Variants in MAP6D1 observed in about 807,000 individuals in gnomAD.
MAP6D1 encodes the protein MAP6 domain-containing protein 1.
In MAP6D1, 13 loss-of-function variants were observed where a neutral mutation model predicts 17.4. That is an observed-to-expected ratio of 0.75 (90% CI 0.49 to 1.19). MAP6D1 has a LOEUF of 1.19. MAP6D1 is among the 50% of genes most tolerant of loss of function. MAP6D1 has a pLI of 0.00. For synonymous variants in MAP6D1, 141 were observed against 145.7 expected, an observed-to-expected ratio of 0.97 and a Z score of 0.23; for missense variants, 313 against 312.6, an observed-to-expected ratio of 1.00 and a Z score of -0.01.
In MAP6D1 at chr3:183,817,263, A is replaced by T; in HGVS notation, c.*93T>A. The T allele has an allele frequency of 7.7e-7, 1 of 1,298,256 alleles. No individual in the cohort carries two copies. The highest frequency in any genetic ancestry group is 1.1e-6 in the Non-Finnish European group (1 of 920,816). 80.4% of individuals were successfully genotyped at this position (1,298,256 alleles called of 1,614,324 possible). On this transcript the variant is annotated 3_prime_UTR_variant, in exon 3 of 3. Transcript: ENST00000318631. The stretch of plus-strand genomic sequence containing the variant: ...GGGCTGTGCCCTCCCGCAGGGGCCC[A>T]TGCCATGCTCTCGCCCAGCCCCGCG...
intron 2 of MAP6D1, among the ~76,000 whole-genome samples, 180 bp from the exon 3 acceptor site, chr3:183,817,616 G>A (rs1239773928): frequency 6.6e-6 from 1 of 152,156 alleles, no homozygotes; most frequent in Admixed American, 6.5e-5. Context: ...ATTAGCAGCT[G>A]AGTGGTACAC....
intron 1 of MAP6D1, among the ~76,000 whole-genome samples, chr3:183,823,817 TAC>T (rs1317737909): frequency 1.3e-5 from 2 of 151,822 alleles, no homozygotes; most frequent in African/African-American, 4.8e-5. Context: ...AGATAGGCAA[TAC>T]ATGGACATGT....
chr3:183,822,848 C>G (rs1301483185), intron 1 of MAP6D1, among the ~76,000 whole-genome samples: 1 of 152,230 alleles, frequency 6.6e-6, no homozygotes, highest in Non-Finnish European at 1.5e-5. Flanking sequence ...GTTCTAGGCA[C>G]CAGAGCAGGG....
At chr3:183,822,737 C>G (rs905844091) in intron 1 of MAP6D1, among the ~76,000 whole-genome samples, 1 of 152,188 alleles carries the variant, frequency 6.6e-6, no homozygotes, top group African/African-American at 2.4e-5. Context: ...AACACTGAGC[C>G]GCAGCGCTCA....
intron 1 of MAP6D1, 98 bp from the exon 2 acceptor site, chr3:183,818,209 AT>A: frequency 1.0e-6 from 1 of 982,000 alleles, no homozygotes; most frequent in Non-Finnish European, 1.6e-6. Flanking sequence ...GGCCCTGCCA[AT>A]TGCTGAAACC....
chr3:183,820,122 G>A (rs1727211561), intron 1 of MAP6D1: 1 of 152,332 alleles, frequency 6.6e-6, no homozygotes, highest in Non-Finnish European at 1.5e-5. Flanking sequence ...AGCCAGCAAG[G>A]CAGGTCCTGC....
Position 183,817,290 on chromosome 3 carries a change from C to T in MAP6D1, c.*66G>A. The stretch of plus-strand genomic sequence containing the variant: ...GCCATGCTCTCGCCCAGCCCCGCGG[C>T]AGTGGGTCCTGAGGCCGCTCCCCAG... On this transcript the variant is annotated 3_prime_UTR_variant, in exon 3 of 3. Transcript: ENST00000318631. 1 of 1,478,224 alleles carries T rather than the reference C, an allele frequency of 6.8e-7. No individual in the cohort carries two copies. Among genetic ancestry groups the T allele is most frequent in the Non-Finnish European group, 9.2e-7 (1 of 1,082,226 alleles). 91.6% of individuals were successfully genotyped at this position (1,478,224 alleles called of 1,614,324 possible).
intron 1 of MAP6D1, among the ~76,000 whole-genome samples, chr3:183,821,779 C>T (rs1727264842): frequency 6.6e-6 from 1 of 152,138 alleles, no homozygotes; most frequent in East Asian, 1.9e-4. Context: ...CTGCCCATCT[C>T]ATCCTCCCAA....
chr3:183,822,466 A>C (rs1026273482), intron 1 of MAP6D1, among the ~76,000 whole-genome samples: 4 of 152,226 alleles, frequency 2.6e-5, no homozygotes, highest in Admixed American at 6.5e-5. Context: ...AAAACCCCCC[A>C]AAAACCCAAC....
intron 1 of MAP6D1, among the ~76,000 whole-genome samples, chr3:183,823,591 ACT>A (rs923492991): frequency 6.6e-6 from 1 of 151,768 alleles, no homozygotes; most frequent in African/African-American, 2.4e-5. Flanking sequence ...ACAGAGCGAG[ACT>A]CTGTCTCAAA....
At chr3:183,822,278 CACACACACACACACAA>C (rs1340045007) in intron 1 of MAP6D1, among the ~76,000 whole-genome samples, 2 of 67,794 alleles carry the variant, frequency 3.0e-5, no homozygotes, top group East Asian at 5.8e-4. Flanking sequence ...CACACACACA[CACACACACACACACAA>C]AACCCCACAT....
rs1727119807 is a variant in MAP6D1 at position 183,816,772 on chromosome 3, G to C, written c.*584C>G. 1 of 153,462 alleles carries C rather than the reference G, an allele frequency of 6.5e-6. No homozygotes were observed. Among genetic ancestry groups the C allele is most frequent in the Non-Finnish European group, 1.5e-5 (1 of 68,926 alleles). The allele number at this position is 153,462 out of a possible 1,614,324, so 9.5% of individuals were successfully genotyped here. On this transcript the variant is annotated 3_prime_UTR_variant, in exon 3 of 3. Transcript: ENST00000318631. Reference sequence around the variant, plus strand: ...ACATGAGGCTCATCTTGGCCATAAGGAGGTCTGTGAAGTGGAAGCCCGTGA... The same window carrying C: ...ACATGAGGCTCATCTTGGCCATAAGCAGGTCTGTGAAGTGGAAGCCCGTGA...
intron 1 of MAP6D1, among the ~76,000 whole-genome samples, chr3:183,824,159 C>G (rs1374392184): frequency 6.6e-6 from 1 of 152,198 alleles, no homozygotes; most frequent in Admixed American, 6.5e-5. Flanking sequence ...ACCTATCTTA[C>G]GCTCCTGAGC....
chr3:183,818,422 G>A (rs1293521499), intron 1 of MAP6D1, among the ~76,000 whole-genome samples: 1 of 152,218 alleles, frequency 6.6e-6, no homozygotes, highest in African/African-American at 2.4e-5. Flanking sequence ...CGAGCGGCAG[G>A]GTCAGGGCAG....
At chr3:183,821,624 C>A (rs768824290) in intron 1 of MAP6D1, among the ~76,000 whole-genome samples, 1 of 145,466 alleles carries the variant, frequency 6.9e-6, no homozygotes, top group Non-Finnish European at 1.5e-5. Flanking sequence ...CGGCTCACTG[C>A]GTCCTCCACC....
At chr3:183,821,371 T>G (rs1356272994) in intron 1 of MAP6D1, among the ~76,000 whole-genome samples, 1 of 152,082 alleles carries the variant, frequency 6.6e-6, no homozygotes, top group Non-Finnish European at 1.5e-5. Context: ...GTCTGTAGAA[T>G]GGGGACGGCA....
rs992858326 is a variant in MAP6D1, at chr3:183,816,928, T to C, written c.*428A>G. 5.1e-6 allele frequency: 1 copy of C among 197,930 alleles called. No individual in the cohort carries two copies. Among genetic ancestry groups the C allele is most frequent in the African/African-American group, 2.4e-5 (1 of 41,974 alleles). 12.3% of individuals were successfully genotyped at this position (197,930 alleles called of 1,614,324 possible). Reference sequence around the variant, plus strand: ...TTGTAGGAAGAGCCAAGGGTCTCACTGTAGGTTATGAAATTAATCAAGTGC... The same window carrying C: ...TTGTAGGAAGAGCCAAGGGTCTCACCGTAGGTTATGAAATTAATCAAGTGC... On this transcript the variant is annotated 3_prime_UTR_variant, in exon 3 of 3. Transcript: ENST00000318631.
At chr3:183,819,354 G>C (rs1727193121) in intron 1 of MAP6D1, among the ~76,000 whole-genome samples, 1 of 152,256 alleles carries the variant, frequency 6.6e-6, no homozygotes, top group African/African-American at 2.4e-5. Context: ...TCCTGCGGAA[G>C]CAGGTCCTCC....
At chr3:183,823,098 G>GA (rs1265767375) in intron 1 of MAP6D1, among the ~76,000 whole-genome samples, 1 of 152,204 alleles carries the variant, frequency 6.6e-6, no homozygotes, top group Non-Finnish European at 1.5e-5. Context: ...AGGCTTGAGG[G>GA]ATCCTCCCAC....
Sources: allele counts gnomAD v4.1 joint callset (sites outside exome capture counted in the v4.1 genomes callset), GRCh38; gene constraint gnomAD v4.1.1; transcripts MANE v1.5; gene names NCBI Gene and HGNC (gene_info 2026-07-23, HGNC 2026-07-21).